Variants in ARHGEF3 observed in about 807,000 individuals in gnomAD.
ARHGEF3 encodes 59.8 kDA protein.
A neutral mutation model predicts 63.2 loss-of-function variants in ARHGEF3; 28 were observed. The ratio of observed to expected loss-of-function variants is 0.44; its 90% CI spans 0.33 to 0.61. The LOEUF (loss-of-function observed/expected upper bound fraction) is 0.61, where lower values mean the gene tolerates loss of function less well. ARHGEF3 is among the 20% of genes least tolerant of loss of function. The pLI, the probability that ARHGEF3 is intolerant of heterozygous loss-of-function variation, is 0.03. For synonymous variants in ARHGEF3, 266 were observed against 254.2 expected (o/e 1.05, Z -0.44); for missense variants, 533 against 659.3 (o/e 0.81, Z 2.10).
chr3:56,903,711 A>C (rs913270030), intron 3 of ARHGEF3, among the ~76,000 whole-genome samples: 1 of 152,130 alleles, frequency 6.6e-6, no homozygotes, highest in Non-Finnish European at 1.5e-5. Context: ...TCCAACCAGA[A>C]TTAAAAACAC....
chr3:56,728,010 G>A lies in ARHGEF3; in HGVS notation c.*1260C>T, dbSNP rs1245158576. On this transcript the variant is annotated 3_prime_UTR_variant, in exon 10 of 10. Transcript: ENST00000296315. ...CTGGTGTGGGTATAATTTTGCACAG[G>A]TCATCCTTAATATTTACACTTGCAG... is the stretch of plus-strand genomic sequence containing the variant. 6.6e-6 allele frequency: 1 copy of A among 152,552 alleles called. No individual in the cohort carries two copies. Among genetic ancestry groups the A allele is most frequent in the Non-Finnish European group, 1.5e-5 (1 of 68,026 alleles). 9.4% of individuals were successfully genotyped at this position (152,552 alleles called of 1,614,324 possible). A position where few individuals can be genotyped will look rare whatever the true frequency, so the allele number is the denominator to read the frequency against.
At chr3:56,842,521 C>A (rs1471072153) in intron 4 of ARHGEF3, among the ~76,000 whole-genome samples, 1 of 152,210 alleles carries the variant, frequency 6.6e-6, no homozygotes, top group Non-Finnish European at 1.5e-5. Context: ...TGATCCCTAG[C>A]AGATGTCTAG....
chr3:56,782,839 A>AG (rs1457939705), intron 1 of ARHGEF3, among the ~76,000 whole-genome samples: 4 of 152,226 alleles, frequency 2.6e-5, no homozygotes, highest in Non-Finnish European at 5.9e-5. Context: ...GCTAAAGAGC[A>AG]GATGATGAGA....
At chr3:57,044,148 T>C (rs1704346669) in intron 1 of ARHGEF3, among the ~76,000 whole-genome samples, 1 of 152,244 alleles carries the variant, frequency 6.6e-6, no homozygotes, top group African/African-American at 2.4e-5. Context: ...TGCACCAGGC[T>C]GTGTGGCACC....
intron 4 of ARHGEF3, among the ~76,000 whole-genome samples, chr3:56,815,806 A>G (rs1291666452): frequency 6.6e-6 from 1 of 152,228 alleles, no homozygotes; most frequent in African/African-American, 2.4e-5. Flanking sequence ...CCTTCAGTGG[A>G]CCAAGTCTTG....
At chr3:56,739,318 C>T (rs1158272556) in intron 7 of ARHGEF3, among the ~76,000 whole-genome samples, 2 of 151,564 alleles carry the variant, frequency 1.3e-5, no homozygotes, top group Non-Finnish European at 2.9e-5. Flanking sequence ...AGAGCCTTTG[C>T]GCAGTCAGAA....
At chr3:57,011,176 G>A (rs1702685266) in intron 2 of ARHGEF3, among the ~76,000 whole-genome samples, 1 of 152,220 alleles carries the variant, frequency 6.6e-6, no homozygotes, top group Non-Finnish European at 1.5e-5. Context: ...TGAAGAAACA[G>A]AAGCACAGTT....
chr3:56,788,286 C>G (rs1004183008), intron 1 of ARHGEF3, among the ~76,000 whole-genome samples: 2 of 152,140 alleles, frequency 1.3e-5, no homozygotes, highest in Non-Finnish European at 2.9e-5. Context: ...GCCAAGCTCC[C>G]CAATGAAATT....
At chr3:56,765,865 T>C (rs900965248) in intron 2 of ARHGEF3, among the ~76,000 whole-genome samples, 1 of 152,126 alleles carries the variant, frequency 6.6e-6, no homozygotes, top group Non-Finnish European at 1.5e-5. Context: ...AAATATATAA[T>C]GAAAAAATCA....
chr3:57,016,425 T>C (rs564035800), intron 2 of ARHGEF3, among the ~76,000 whole-genome samples: 1 of 151,032 alleles, frequency 6.6e-6, no homozygotes, highest in Admixed American at 6.6e-5. Context: ...GGTGGGCGCC[T>C]ATAATCTCAG....
chr3:56,879,443 A>G (rs2040696329), intron 4 of ARHGEF3, among the ~76,000 whole-genome samples: 1 of 152,216 alleles, frequency 6.6e-6, no homozygotes, highest in Admixed American at 6.5e-5. Context: ...TCAAGAATCT[A>G]CTGTGTATCT....
intron 2 of ARHGEF3, among the ~76,000 whole-genome samples, chr3:57,030,219 G>A (rs963651722): frequency 5.9e-5 from 9 of 152,192 alleles, no homozygotes; most frequent in African/African-American, 9.7e-5. Flanking sequence ...AGCCACACAC[G>A]GGGAGGGCCT....
intron 4 of ARHGEF3, among the ~76,000 whole-genome samples, chr3:56,841,569 A>G (rs1011640537): frequency 5.3e-5 from 8 of 152,216 alleles, no homozygotes; most frequent in Admixed American, 4.6e-4. Context: ...AAGTTTAAAC[A>G]TAAGCACCCA....
At chr3:56,783,550 G>T (rs1344911891) in intron 1 of ARHGEF3, among the ~76,000 whole-genome samples, 1 of 152,118 alleles carries the variant, frequency 6.6e-6, no homozygotes, top group East Asian at 1.9e-4. Context: ...TCTCCTACTT[G>T]CCTGCCATGG....
chr3:56,857,851 C>T (rs2039938515), intron 4 of ARHGEF3, among the ~76,000 whole-genome samples: 1 of 152,232 alleles, frequency 6.6e-6, no homozygotes. Flanking sequence ...CTCCTGGGTT[C>T]AAGCTATGCC....
At chr3:56,987,590 T>C (rs1701592511) in intron 2 of ARHGEF3, among the ~76,000 whole-genome samples, 1 of 152,166 alleles carries the variant, frequency 6.6e-6, no homozygotes, top group African/African-American at 2.4e-5. Flanking sequence ...TAAGAGCCAC[T>C]ACACTGGGGT....
rs115984841 is a variant in ARHGEF3, at chr3:56,894,991, C to T, written c.130-12637G>A. On this transcript the variant is annotated intron_variant, in intron 3 of 12. Coordinates refer to the ARHGEF3 transcript ENST00000338458. The stretch of plus-strand genomic sequence containing the variant: ...CATTTGTGGCTCACCACAACTTTTG[C>T]TTTTTACTCAGAACTTGACAGAACA... 3.2e-3 allele frequency among the ~76,000 whole-genome samples: 488 copies of T among 152,272 alleles called. 3 individuals are homozygous for T. Among genetic ancestry groups the T allele is most frequent in the African/African-American group, 0.011 (471 of 41,552 alleles).
intron 4 of ARHGEF3, among the ~76,000 whole-genome samples, chr3:56,838,737 C>G (rs991938556): frequency 6.6e-6 from 1 of 152,038 alleles, no homozygotes; most frequent in Non-Finnish European, 1.5e-5. Context: ...CACAAATTCC[C>G]GGGACCAAAC....
intron 4 of ARHGEF3, among the ~76,000 whole-genome samples, chr3:56,846,025 G>C (rs2039476964): frequency 6.6e-6 from 1 of 152,178 alleles, no homozygotes; most frequent in Non-Finnish European, 1.5e-5. Context: ...GCTGCTTTAA[G>C]GATCTCTGTG....
Sources: gnomAD v4.1 joint callset for allele counts (sites outside exome capture counted in the v4.1 genomes callset) on GRCh38, gnomAD v4.1.1 for gene constraint, MANE v1.5 for transcripts, NCBI Gene and HGNC (gene_info 2026-07-23, HGNC 2026-07-21) for gene names.